GRIK2: variants seen among roughly 807,000 people sequenced by gnomAD.
GRIK2 encodes the protein glutamate receptor ionotropic, kainate 2.
Under a neutral mutation model 100.3 loss-of-function variants are expected in GRIK2, and 32 were observed. The observed-to-expected ratio is 0.32, with a 90% confidence interval of 0.24 to 0.43. GRIK2 has a LOEUF of 0.43. Among genes scored for constraint, GRIK2 ranks in the 20% least tolerant of loss-of-function variants. GRIK2 has a pLI of 1.00. For missense variants in GRIK2, 843 were observed against 1,114.9 expected, an observed-to-expected ratio of 0.76 and a Z score of 3.47; for synonymous variants, 417 against 389.4, an observed-to-expected ratio of 1.07 and a Z score of -0.83.
chr6:101,887,341 A>T (rs1205123406), intron 11 of GRIK2, among the ~76,000 whole-genome samples: 1 of 152,116 alleles, frequency 6.6e-6, no homozygotes, highest in Non-Finnish European at 1.5e-5. Flanking sequence ...ATAAAAAGTT[A>T]CCACTTTATA....
chr6:101,411,684 C>G (rs768463184), intron 2 of GRIK2, among the ~76,000 whole-genome samples: 2 of 151,992 alleles, frequency 1.3e-5, no homozygotes, highest in Non-Finnish European at 2.9e-5. Flanking sequence ...TTGTAGATAA[C>G]AGTTGGGGCT....
intron 12 of GRIK2, among the ~76,000 whole-genome samples, chr6:101,906,205 G>A (rs2128463548): frequency 6.6e-6 from 1 of 151,754 alleles, no homozygotes; most frequent in East Asian, 1.9e-4. Context: ...TGTGAGCCTA[G>A]AATATTGAAA....
chr6:101,930,166 A>T (rs2128472180), intron 14 of GRIK2, among the ~76,000 whole-genome samples: 1 of 152,060 alleles, frequency 6.6e-6, no homozygotes, highest in Admixed American at 6.6e-5. Flanking sequence ...ACATGGCAAA[A>T]TTCTGTCTCT....
At chr6:101,842,615 T>C (rs1038464378) in intron 10 of GRIK2, among the ~76,000 whole-genome samples, 1 of 152,186 alleles carries the variant, frequency 6.6e-6, no homozygotes, top group Admixed American at 6.5e-5. Context: ...AAACTTTTTT[T>C]TATTTTATTG....
intron 14 of GRIK2, among the ~76,000 whole-genome samples, chr6:101,963,410 G>T (rs1357981148): frequency 3.6e-5 from 5 of 139,772 alleles, no homozygotes; most frequent in Non-Finnish European, 7.6e-5. Context: ...CCATTCTCCT[G>T]CCTCAGTCTC....
intron 7 of GRIK2, among the ~76,000 whole-genome samples, chr6:101,753,554 T>C (rs1208267839): frequency 6.6e-6 from 1 of 152,040 alleles, no homozygotes; most frequent in African/African-American, 2.4e-5. Context: ...ACTAACTGTT[T>C]CCAGATATAC....
chr6:101,437,194 A>G (rs576014353), intron 2 of GRIK2, among the ~76,000 whole-genome samples: 9 of 152,202 alleles, frequency 5.9e-5, no homozygotes, highest in African/African-American at 1.9e-4. Context: ...CACATGGCTG[A>G]CTTATTTCTA....
chr6:101,910,839 C>CACACA (rs1554284826), intron 12 of GRIK2, among the ~76,000 whole-genome samples: 24 of 143,366 alleles, frequency 1.7e-4, no homozygotes, highest in African/African-American at 5.8e-4. Context: ...CCAACATACA[C>CACACA]CACACACACA....
intron 4 of GRIK2, among the ~76,000 whole-genome samples, chr6:101,632,540 T>G (rs1215753615): frequency 6.6e-6 from 1 of 152,156 alleles, no homozygotes; most frequent in Non-Finnish European, 1.5e-5. Context: ...AGCCATAATT[T>G]TCAGATATAT....
chr6:101,880,822 C>T (rs1786193022), intron 11 of GRIK2, among the ~76,000 whole-genome samples: 1 of 151,916 alleles, frequency 6.6e-6, no homozygotes, highest in Admixed American at 6.6e-5. Flanking sequence ...CAACATCCCA[C>T]AACATATTAC....
intron 2 of GRIK2, among the ~76,000 whole-genome samples, chr6:101,507,474 T>C (rs1774083549): frequency 6.6e-6 from 1 of 152,138 alleles, no homozygotes; most frequent in African/African-American, 2.4e-5. Flanking sequence ...TTTTGAAATG[T>C]CAATGATTGA....
At chr6:101,891,105 C>G (rs1163170869) in intron 12 of GRIK2, among the ~76,000 whole-genome samples, 1 of 147,954 alleles carries the variant, frequency 6.8e-6, no homozygotes, top group African/African-American at 2.5e-5. Context: ...TGTAAATAAT[C>G]GAACTCATTT....
chr6:101,929,522 A>T (rs1790126337), intron 14 of GRIK2, among the ~76,000 whole-genome samples: 1 of 152,198 alleles, frequency 6.6e-6, no homozygotes, highest in South Asian at 2.1e-4. Context: ...AAATTATTTC[A>T]TGAAGCATTC....
Position 102,001,649 on chromosome 6 carries a change from C to G in GRIK2, c.2086-33692C>G, listed in dbSNP as rs76607709. 8.4e-3 allele frequency among the ~76,000 whole-genome samples: 1,281 copies of G among 152,060 alleles called. 21 individuals carry two copies. The highest frequency in any genetic ancestry group is 0.03 in the African/African-American group (1,239 of 41,520). ...GGTTCCAAGTCTTTGCCATTGAATA[C>G]TTAAGTGGAAGTTGAAGTACTGGAT... is the stretch of plus-strand genomic sequence containing the variant. On this transcript the variant is annotated intron_variant, in intron 14 of 16. Transcript: ENST00000369134.
intron 7 of GRIK2, among the ~76,000 whole-genome samples, chr6:101,706,878 C>T (rs1427569091): frequency 6.6e-6 from 1 of 151,892 alleles, no homozygotes; most frequent in African/African-American, 2.4e-5. Flanking sequence ...TAGAGGCTGT[C>T]CTTCAGTTAT....
intron 2 of GRIK2, among the ~76,000 whole-genome samples, chr6:101,577,877 G>A (rs1777863433): frequency 6.6e-6 from 1 of 152,112 alleles, no homozygotes; most frequent in African/African-American, 2.4e-5. Context: ...TGAATGAAGA[G>A]CTCCTGTGTT....
At chr6:102,003,245 ATATT>A (rs1795041284) in intron 14 of GRIK2, among the ~76,000 whole-genome samples, 5 of 151,610 alleles carry the variant, frequency 3.3e-5, no homozygotes, top group African/African-American at 1.2e-4. Context: ...ATATATATGT[ATATT>A]TATATATGGG....
chr6:101,769,582 C>T (rs1260347171), intron 7 of GRIK2, among the ~76,000 whole-genome samples: 1 of 152,128 alleles, frequency 6.6e-6, no homozygotes, highest in Admixed American at 6.5e-5. Context: ...ATTCTCAAAT[C>T]TAGCCCACAA....
intron 15 of GRIK2, among the ~76,000 whole-genome samples, chr6:102,049,977 A>G (rs1771085442): frequency 1.3e-5 from 2 of 152,238 alleles, no homozygotes; most frequent in South Asian, 4.1e-4. Context: ...CAACCTTTAA[A>G]GAAAAGTTAT....
Sources: allele counts gnomAD v4.1 joint callset (sites outside exome capture counted in the v4.1 genomes callset), GRCh38; gene constraint gnomAD v4.1.1; transcripts MANE v1.5; gene names NCBI Gene and HGNC (gene_info 2026-07-23, HGNC 2026-07-21).